The following WDR90 variants were observed in gnomAD, a reference collection of about 807,000 sequenced individuals.
The protein encoded by WDR90 is WD repeat domain 90, also known as WD repeat-containing protein 90.
Under a neutral mutation model 195.2 loss-of-function variants are expected in WDR90, and 238 were observed. The observed-to-expected ratio is 1.22, with a 90% CI of 1.10 to 1.36. The LOEUF is 1.36. WDR90 is among the 40% of genes most tolerant of loss of function. WDR90 has a pLI of 0.00. For missense variants in WDR90, 2,734 were observed against 2,439.5 expected (o/e 1.12, Z -2.54); for synonymous variants, 1,265 against 1,052.4 (o/e 1.20, Z -3.91).
chr16:662,538 C>A, intron 33 of WDR90, 141 bp from the exon 34 acceptor site: 2 of 1,298,134 alleles, frequency 1.5e-6, no homozygotes, highest in Non-Finnish European at 2.1e-6. Context: ...GCTCCATGGG[C>A]TTTCTCTTCT....
Position 666,335 on chromosome 16 carries a change from T to A in WDR90, c.4725T>A (p.Cys1575Ter), listed in dbSNP as rs1379364363. The part of the protein sequence containing the change: ...DHQGAPISTI[C>*]VTCKECEDLG... The stretch of plus-strand genomic sequence containing the variant: ...AGGGCGCCCCAATCTCTACCATCTG[T>A]GTCACGTGCAAAGAGGTAAAGCAGC... Residue 1575 changes from cysteine (C) to a stop codon, truncating the protein, a stop_gained, in exon 37 of 41, where the codon TGT becomes TGA. Transcript: ENST00000293879. LOFTEE classifies it high-confidence loss of function. 1.2e-6 allele frequency: 2 copies of A among 1,612,686 alleles called. No homozygotes were observed. The highest frequency in any genetic ancestry group is 1.7e-6 in the Non-Finnish European group (2 of 1,179,964).
rs1469296461 is a variant in WDR90 at position 651,714 on chromosome 16, G to A, written c.807G>A (p.Val269=). 1 of 1,613,124 alleles carries A rather than the reference G, an allele frequency of 6.2e-7. No individual in the cohort carries two copies. The highest frequency in any genetic ancestry group is 8.5e-7 in the Non-Finnish European group (1 of 1,180,012). ...VASSKPVRFS[V]SPVVQTPSPT... is the part of the protein sequence containing the mutation. ...CCAGCAAACCTGTGCGGTTCAGTGT[G>A]TCTCCAGTGGTCCAGACGCCCAGCC... The change falls in exon 8 of 41, where the codon GTG becomes GTA. Residue 269 remains valine (V), a synonymous_variant. Coordinates refer to ENST00000293879, the MANE Select transcript of WDR90 (RefSeq NM_145294.5).
rs749037682 is a variant in WDR90 at position 661,547 on chromosome 16, G to A, written c.3673+46G>A. ...AGGCCAGGGGCTTCCCTAGACCCCG[G>A]GGGGGGCTGCATCTGTGCACCTGAC... On this transcript the variant is annotated intron_variant, in intron 30 of 40. Transcript: ENST00000293879. 3.5e-5 allele frequency: 51 copies of A among 1,448,628 alleles called. No individual in the cohort carries two copies. The African/African-American group carries it at 1.0e-3, about 29-fold the overall frequency. The allele number at this position is 1,448,628 out of a possible 1,614,324, so 89.7% of individuals were successfully genotyped here. A position where few individuals can be genotyped will look rare whatever the true frequency, so the allele number is the denominator to read the frequency against.
chr16:667,620 A>C lies in WDR90; in HGVS notation c.*31A>C. On this transcript the variant is annotated 3_prime_UTR_variant, in exon 41 of 41. Transcript: ENST00000293879. ...AGCAGGGACTGTGGTGGTGGGCATCACGCCTGGTCATGCCAGGCACCTGGA... is the reference window on the plus strand; with the variant it reads ...AGCAGGGACTGTGGTGGTGGGCATCCCGCCTGGTCATGCCAGGCACCTGGA... The C allele has an allele frequency of 6.2e-7, 1 of 1,601,294 alleles. No homozygotes were observed. Among genetic ancestry groups the C allele is most frequent in the Non-Finnish European group, 8.5e-7 (1 of 1,179,670 alleles).
rs375005519 is a variant in WDR90 at position 652,508 on chromosome 16, C to G, written c.1095C>G (p.Ile365Met). 6.2e-7 allele frequency: 1 copy of G among 1,610,380 alleles called. No individual in the cohort carries two copies. Among genetic ancestry groups the G allele is most frequent in the South Asian group, 1.1e-5 (1 of 90,756 alleles). ...PDPVLRLKGV[I>M]GFGGHGTRQA... ...CAGTCCTGAGGCTCAAGGGCGTCAT[C>G]GGCTTTGGGGGCCACGGCACCAGAC... Residue 365 changes from isoleucine to methionine, a missense_variant, in exon 10 of 41, where the codon ATC (isoleucine) becomes ATG (methionine). Physicochemically the swap from Ile to Met is conservative, Grantham distance 10 (BLOSUM62 1). Coordinates refer to ENST00000293879, the MANE Select transcript of WDR90 (RefSeq NM_145294.5).
intron 20 of WDR90, 138 bp from the exon 21 acceptor site, chr16:657,624 C>G: frequency 7.8e-7 from 1 of 1,287,600 alleles, no homozygotes; most frequent in Non-Finnish European, 1.0e-6. Flanking sequence ...CTTGGCAATC[C>G]TCTGCCGGTG....
chr16:665,890 C>A, intron 35 of WDR90, 60 bp from the exon 36 acceptor site: 1 of 1,557,930 alleles, frequency 6.4e-7, no homozygotes. Flanking sequence ...TCCCTCTGGC[C>A]TGGGTGTGTG....
chr16:666,113 T>C lies in WDR90; in HGVS notation c.4598T>C (p.Phe1533Ser). The stretch of plus-strand genomic sequence containing the variant: ...CCGGTGGCGCTGACCACTGTTGCCT[T>C]CTCCACCGATGGTGAGGAGTTGGGT... ...PHPVALTTVA[F>S]STDGQTVLSG... The change falls in exon 36 of 41, where the codon TTC becomes TCC. Residue 1533 changes from phenylalanine to serine, a missense_variant. By Grantham distance (155) the Phe-to-Ser change is radical (BLOSUM62 -2). Transcript: ENST00000293879. 2 of 1,609,760 alleles carry C rather than the reference T, an allele frequency of 1.2e-6. No homozygotes were observed. The highest frequency in any genetic ancestry group is 1.7e-6 in the Non-Finnish European group (2 of 1,178,370).
chr16:666,314 C>T lies in WDR90; in HGVS notation c.4704C>T (p.Gly1568=), dbSNP rs753987410. ...TTFRVLSDHQ[G]APISTICVTC... is the part of the protein sequence containing the mutation. ...TCCGTGTGCTGAGTGACCACCAGGG[C>T]GCCCCAATCTCTACCATCTGTGTCA... The change falls in exon 37 of 41, where the codon GGC becomes GGT. Residue 1568 remains glycine (G), a synonymous_variant. Coordinates refer to ENST00000293879, the MANE Select transcript of WDR90 (RefSeq NM_145294.5). 2.7e-5 allele frequency: 43 copies of T among 1,612,604 alleles called. No homozygotes were observed. The Middle Eastern group carries it at 4.9e-4, about 18-fold the overall frequency.
Position 652,479 on chromosome 16 carries a change from G to C in WDR90, c.1066G>C (p.Asp356His). 1 of 1,609,486 alleles carries C rather than the reference G, an allele frequency of 6.2e-7. No individual in the cohort carries two copies. Among genetic ancestry groups the C allele is most frequent in the Non-Finnish European group, 8.5e-7 (1 of 1,177,636 alleles). Residue 356 changes from aspartate (D) to histidine (H), a missense_variant, in exon 10 of 41, where the codon GAC (aspartate) becomes CAC (histidine). By Grantham distance (81) the Asp-to-His change is moderately conservative (BLOSUM62 -1). Transcript: ENST00000293879. The stretch of plus-strand genomic sequence containing the variant: ...ATGGCTGTTTCAGGGCTTCCTCCCA[G>C]ACCCAGTCCTGAGGCTCAAGGGCGT... ...RTGSCEGFLP[D>H]PVLRLKGVIG...
At chr16:660,990 G>GCCCCCCCCCC in intron 28 of WDR90, 61 bp from the exon 29 acceptor site, 1 of 21,756 alleles carries the variant, frequency 4.6e-5, no homozygotes, top group Non-Finnish European at 6.6e-5. Context: ...CCCTCCCCAG[G>GCCCCCCCCCC]CCCCTCCCCG....
In WDR90 at chr16:667,755, C is replaced by T. The variant is rs928277439; in HGVS notation, c.*166C>T. ...TTGTAAATTTGGCGCCCTGTGAATA[C>T]TTTCATACCTGTTGCCCTTTTGCCT... On this transcript the variant is annotated 3_prime_UTR_variant, in exon 41 of 41. Coordinates refer to ENST00000293879, the MANE Select transcript of WDR90 (RefSeq NM_145294.5). The T allele has an allele frequency of 4.3e-6, 4 of 931,848 alleles. No homozygotes were observed. The highest frequency in any genetic ancestry group is 1.6e-5 in the African/African-American group (1 of 60,778). The allele number at this position is 931,848 out of a possible 1,614,324, so 57.7% of individuals were successfully genotyped here.
In WDR90 at chr16:667,426, C is replaced by T. The variant is rs2055803678; in HGVS notation, c.5090-6C>T. 6.3e-7 allele frequency: 1 copy of T among 1,593,972 alleles called. No individual in the cohort carries two copies. The highest frequency in any genetic ancestry group is 1.3e-5 in the African/African-American group (1 of 74,794). Reference sequence around the variant, plus strand: ...GCCCTGGCCCACCTGCACCGTCTACCCACAGAGTGCATGCTGAGGCTGGTA... The same window carrying T: ...GCCCTGGCCCACCTGCACCGTCTACTCACAGAGTGCATGCTGAGGCTGGTA... On this transcript the variant is annotated splice_region_variant and splice_polypyrimidine_tract_variant and intron_variant, in intron 40 of 40. Coordinates refer to ENST00000293879, the MANE Select transcript of WDR90 (RefSeq NM_145294.5).
In WDR90 at chr16:665,713, A is replaced by C; in HGVS notation, c.4346A>C (p.His1449Pro). The C allele has an allele frequency of 6.2e-7, 1 of 1,612,616 alleles. No individual in the cohort carries two copies. Among genetic ancestry groups the C allele is most frequent in the Non-Finnish European group, 8.5e-7 (1 of 1,179,870 alleles). The part of the protein sequence containing the change: ...NEVVFSPGES[H>P]CATCSEDGSV... ...GTGGTCTTCAGCCCCGGGGAGTCCCACTGCGCCACATGCAGTGAGGATGGG... is the reference window on the plus strand; with the variant it reads ...GTGGTCTTCAGCCCCGGGGAGTCCCCCTGCGCCACATGCAGTGAGGATGGG... Residue 1449 changes from histidine (H) to proline (P), a missense_variant, in exon 35 of 41, where the codon CAC becomes CCC. Transcript: ENST00000293879.
At chr16:652,776 C>T (rs1469202837) in intron 10 of WDR90, among the ~76,000 whole-genome samples, 2 of 152,342 alleles carry the variant, frequency 1.3e-5, no homozygotes, top group East Asian at 1.9e-4. Context: ...ACGGGCATCT[C>T]TTACTCACTG....
chr16:658,590 G>T lies in WDR90; in HGVS notation c.2832G>T (p.Leu944=), dbSNP rs1255314753. Residue 944 remains leucine, a synonymous_variant, in exon 23 of 41, where the codon CTG becomes CTT. Transcript: ENST00000293879. The part of the protein sequence containing the change: ...LTLSEDARFL[L]IAAGRTIKVW... The stretch of plus-strand genomic sequence containing the variant: ...TCAGTGAGGACGCCCGCTTCCTGCT[G>T]ATTGCCGCCGGCCGGACCATCAAGG... 1 of 1,612,738 alleles carries T rather than the reference G, an allele frequency of 6.2e-7. No individual in the cohort carries two copies. The highest frequency in any genetic ancestry group is 8.5e-7 in the Non-Finnish European group (1 of 1,179,914).
At chr16:661,292 C>A (rs1254842526) in intron 29 of WDR90, 50 bp from the exon 30 acceptor site, 2 of 1,547,268 alleles carry the variant, frequency 1.3e-6, no homozygotes, top group Admixed American at 3.6e-5. Flanking sequence ...CCAGCCTCCA[C>A]TCCAGCCAGC....
At chr16:660,883 A>G (rs1378997836) in intron 28 of WDR90, 168 bp from the exon 29 acceptor site, 2 of 772,770 alleles carry the variant, frequency 2.6e-6, no homozygotes, top group South Asian at 2.2e-5. Context: ...CCTGTGAAGC[A>G]CTTTGGCTAC....
At chr16:653,900 C>T in intron 13 of WDR90, 97 bp downstream of exon 13, 3 of 1,444,626 alleles carry the variant, frequency 2.1e-6, no homozygotes, top group South Asian at 2.5e-5. Context: ...CTTCATGTGA[C>T]CCTGGGTCCC....
Sources: allele counts gnomAD v4.1 joint callset (sites outside exome capture counted in the v4.1 genomes callset), GRCh38; gene constraint gnomAD v4.1.1; transcripts MANE v1.5; gene names NCBI Gene and HGNC (gene_info 2026-07-23, HGNC 2026-07-21).